The following TMEM178B variants were observed in gnomAD, a reference collection of about 807,000 sequenced individuals.
TMEM178B encodes transmembrane protein 178B.
In TMEM178B, 5 loss-of-function variants were observed where a neutral mutation model predicts 31.0. The ratio of observed to expected loss-of-function variants is 0.16; its 90% CI spans 0.08 to 0.34. The LOEUF is 0.34. TMEM178B is among the 10% of genes least tolerant of loss of function. The pLI is 1.00. For missense variants in TMEM178B, 275 were observed against 400.3 expected (o/e 0.69, Z 2.67); for synonymous variants, 164 against 164.0 (o/e 1.00, Z 0.00).
At chr7:141,152,803 G>T (rs547187976) in intron 1 of TMEM178B, among the ~76,000 whole-genome samples, 2 of 152,316 alleles carry the variant, frequency 1.3e-5, no homozygotes, top group East Asian at 3.9e-4. Flanking sequence ...CTCAAAATAC[G>T]TTCATTTCTC....
chr7:141,188,286 A>G (rs1034594879), intron 1 of TMEM178B, among the ~76,000 whole-genome samples: 2 of 152,224 alleles, frequency 1.3e-5, no homozygotes, highest in Admixed American at 1.3e-4. Flanking sequence ...TAATCCAAAA[A>G]TGCAAAAATC....
Position 141,461,268 on chromosome 7 carries a change from G to A in TMEM178B, c.635-9268G>A. Among the ~76,000 whole-genome samples, 1 of 152,174 alleles carries A rather than the reference G, an allele frequency of 6.6e-6. No individual in the cohort carries two copies. On this transcript the variant is annotated intron_variant, in intron 3 of 3. Coordinates refer to ENST00000565468, the MANE Select transcript of TMEM178B (RefSeq NM_001195278.2). This position sits in a 1 kb window ranked among gnomAD's most constrained non-coding sequence, Gnocchi z 4.0. Reference sequence around the variant, plus strand: ...TGGGTGTTTCTGCAGAGCCTGCCTTGCAGCGACCTGTAGGGCTCCAGTCAG... The same window carrying A: ...TGGGTGTTTCTGCAGAGCCTGCCTTACAGCGACCTGTAGGGCTCCAGTCAG...
At chr7:141,254,896 A>G (rs956122435) in intron 2 of TMEM178B, among the ~76,000 whole-genome samples, 4 of 152,202 alleles carry the variant, frequency 2.6e-5, no homozygotes, top group African/African-American at 9.7e-5. Flanking sequence ...TCAGAAATAT[A>G]TGAATCAGGG....
chr7:141,350,301 A>C (rs560171147), intron 2 of TMEM178B, among the ~76,000 whole-genome samples: 1 of 152,030 alleles, frequency 6.6e-6, no homozygotes, highest in East Asian at 1.9e-4. Flanking sequence ...ATGCCTTTCT[A>C]ATCCTTGACC....
chr7:141,425,904 C>T (rs1031671983), intron 2 of TMEM178B, among the ~76,000 whole-genome samples: 1 of 152,168 alleles, frequency 6.6e-6, no homozygotes, highest in Non-Finnish European at 1.5e-5. Flanking sequence ...TCCACAGAAA[C>T]TACCTTCCCC....
At chr7:141,262,863 T>C (rs555236353) in intron 2 of TMEM178B, among the ~76,000 whole-genome samples, 3 of 152,288 alleles carry the variant, frequency 2.0e-5, no homozygotes, top group African/African-American at 7.2e-5. Context: ...GACTCAGGGT[T>C]AACAAAGGAA....
At chr7:141,241,655 T>C (rs1401437658) in intron 2 of TMEM178B, among the ~76,000 whole-genome samples, 3 of 151,742 alleles carry the variant, frequency 2.0e-5, no homozygotes, top group Non-Finnish European at 4.4e-5. Flanking sequence ...CCAGCAAGAT[T>C]TGAGGGCACG....
intron 2 of TMEM178B, among the ~76,000 whole-genome samples, chr7:141,389,288 A>G (rs1301855080): frequency 6.6e-6 from 1 of 152,216 alleles, no homozygotes; most frequent in Non-Finnish European, 1.5e-5. Flanking sequence ...TAGAAGGGAA[A>G]GGGTATCTGT....
intron 1 of TMEM178B, among the ~76,000 whole-genome samples, chr7:141,112,075 C>T (rs780157097): frequency 3.9e-5 from 6 of 151,952 alleles, no homozygotes; most frequent in Non-Finnish European, 8.8e-5. Flanking sequence ...TAGTTTTTGC[C>T]TGTATGTATG....
At chr7:141,486,572 A>C in the TMEM178B span, among the ~76,000 whole-genome samples, 2 of 152,284 alleles carry the variant, frequency 1.3e-5, no homozygotes, top group Admixed American at 6.5e-5. Context: ...TTGGTTCCCT[A>C]CACTACTCTT....
the TMEM178B span, among the ~76,000 whole-genome samples, chr7:141,487,089 C>T: frequency 3.9e-5 from 6 of 152,072 alleles, no homozygotes; most frequent in Non-Finnish European, 5.9e-5. Flanking sequence ...GTCAAATGTT[C>T]GCTGCAACTT....
intron 1 of TMEM178B, among the ~76,000 whole-genome samples, chr7:141,210,235 C>A (rs906190959): frequency 2.6e-5 from 4 of 151,992 alleles, no homozygotes; most frequent in Non-Finnish European, 1.5e-5. Flanking sequence ...GAGGCCGAGG[C>A]GGGTGGATCA....
At chr7:141,442,059 C>T (rs373289578) in intron 3 of TMEM178B, among the ~76,000 whole-genome samples, 52 of 152,312 alleles carry the variant, frequency 3.4e-4, no homozygotes, top group African/African-American at 1.2e-3. Context: ...TTCAGAAGCT[C>T]AGGAACAGGA....
chr7:141,208,812 G>A, intron 1 of TMEM178B, among the ~76,000 whole-genome samples: 1 of 152,236 alleles, frequency 6.6e-6, no homozygotes, highest in South Asian at 2.1e-4. Flanking sequence ...TGTTGAGGCT[G>A]AGAGAATCTG....
chr7:141,202,012 A>G (rs911740059), intron 1 of TMEM178B, among the ~76,000 whole-genome samples: 1 of 152,174 alleles, frequency 6.6e-6, no homozygotes, highest in African/African-American at 2.4e-5. Flanking sequence ...CACCTCTGCC[A>G]CCTAATAGCT....
intron 2 of TMEM178B, among the ~76,000 whole-genome samples, chr7:141,327,295 T>C (rs1262962720): frequency 6.6e-6 from 1 of 152,218 alleles, no homozygotes; most frequent in Non-Finnish European, 1.5e-5. Context: ...AGCTCAAATC[T>C]GTTTTTAAAA....
chr7:141,310,411 T>C (rs989994950), intron 2 of TMEM178B, among the ~76,000 whole-genome samples: 9 of 152,150 alleles, frequency 5.9e-5, no homozygotes, highest in African/African-American at 1.9e-4. Context: ...ATTACTATTA[T>C]TGTTATTTTT....
chr7:141,173,037 A>G (rs974089598), intron 1 of TMEM178B: 1 of 152,228 alleles, frequency 6.6e-6, no homozygotes, highest in Non-Finnish European at 1.5e-5. Context: ...GGATCCAGGA[A>G]TCCATCACTA....
chr7:141,342,807 T>C (rs1180730768), intron 2 of TMEM178B, among the ~76,000 whole-genome samples: 1 of 152,226 alleles, frequency 6.6e-6, no homozygotes, highest in Non-Finnish European at 1.5e-5. Flanking sequence ...CAGGCTTCAG[T>C]TTCTCTCAGC....
Sources: allele counts gnomAD v4.1 joint callset (sites outside exome capture counted in the v4.1 genomes callset), GRCh38; gene constraint gnomAD v4.1.1; non-coding constraint Gnocchi (gnomAD v3.1); transcripts MANE v1.5; gene names NCBI Gene and HGNC (gene_info 2026-07-23, HGNC 2026-07-21).